Variants in DTNA observed in about 807,000 individuals in gnomAD.
DTNA encodes the protein dystrobrevin alpha, also known as dystrophin-related protein 3.
DTNA carries 43 observed loss-of-function variants against 100.7 expected under a neutral mutation model. The observed-to-expected ratio is 0.43, with a 90% CI of 0.33 to 0.55. The LOEUF is 0.55. Ranked by LOEUF, DTNA falls within the 20% of genes least tolerant of loss-of-function variation. DTNA has a pLI of 0.04. For synonymous variants in DTNA, 349 were observed against 347.9 expected (o/e 1.00, Z -0.04); for missense variants, 798 against 953.9 (o/e 0.84, Z 2.15).
chr18:34,799,837 G>A (rs958522180), intron 4 of DTNA, among the ~76,000 whole-genome samples: 2 of 152,168 alleles, frequency 1.3e-5, no homozygotes, highest in Non-Finnish European at 2.9e-5. Context: ...GGAATTTCAA[G>A]GGGTATGGGG....
At chr18:34,647,769 A>G (rs183017429) in intron 1 of DTNA, among the ~76,000 whole-genome samples, 157 of 152,368 alleles carry the variant, frequency 1.0e-3, no homozygotes, top group Non-Finnish European at 1.7e-3. Context: ...ACACAAATAA[A>G]TATATCATTA....
Position 34,827,248 on chromosome 18 carries a change from G to C in DTNA, c.1002-345G>C, listed in dbSNP as rs146938138. Among the ~76,000 whole-genome samples, 319 of 151,184 alleles carry C rather than the reference G, an allele frequency of 2.1e-3. 2 individuals carry two copies. The highest frequency in any genetic ancestry group is 7.1e-3 in the Admixed American group (108 of 15,180). On this transcript the variant is annotated intron_variant, in intron 9 of 22. Transcript: ENST00000444659. ...TAGATTCAATGATCAGGTCTTCAAG[G>C]CTTCTTGAGAAGGCAGTAGAAGTAA...
At chr18:34,568,319 G>A (rs1335643597) in intron 1 of DTNA, among the ~76,000 whole-genome samples, 2 of 152,072 alleles carry the variant, frequency 1.3e-5, no homozygotes, top group Non-Finnish European at 2.9e-5. Context: ...AGGCATTCTG[G>A]CGTTAAAAAT....
intron 1 of DTNA, among the ~76,000 whole-genome samples, chr18:34,581,190 G>A (rs1375557272): frequency 6.6e-6 from 1 of 152,182 alleles, no homozygotes; most frequent in Non-Finnish European, 1.5e-5. Flanking sequence ...GGAGCTTGCA[G>A]TGAGCTGAGA....
chr18:34,612,085 C>T (rs754558989), intron 1 of DTNA, among the ~76,000 whole-genome samples: 3 of 152,202 alleles, frequency 2.0e-5, no homozygotes, highest in African/African-American at 7.2e-5. Flanking sequence ...CGGGCCACCG[C>T]GCGTGAGCTC....
At chr18:34,782,618 C>T (rs2094369415) in intron 3 of DTNA, among the ~76,000 whole-genome samples, 1 of 152,068 alleles carries the variant, frequency 6.6e-6, no homozygotes, top group African/African-American at 2.4e-5. Flanking sequence ...TAGGGCACAC[C>T]TGGTGGAGGG....
intron 2 of DTNA, among the ~76,000 whole-genome samples, chr18:34,763,217 A>G (rs913115105): frequency 6.6e-6 from 1 of 152,214 alleles, no homozygotes; most frequent in African/African-American, 2.4e-5. Context: ...CACCAATAAA[A>G]GTACATCCTC....
chr18:34,787,742 C>T (rs181820936), intron 3 of DTNA, among the ~76,000 whole-genome samples: 4 of 152,268 alleles, frequency 2.6e-5, no homozygotes, highest in African/African-American at 4.8e-5. Context: ...CCATCTGCAA[C>T]TCTCCCCCCA....
intron 3 of DTNA, among the ~76,000 whole-genome samples, chr18:34,785,040 G>A (rs557274546): frequency 2.0e-5 from 3 of 150,892 alleles, no homozygotes; most frequent in East Asian, 3.9e-4. Context: ...TCAGCCTCCC[G>A]AGTAGCTGGG....
intron 1 of DTNA, among the ~76,000 whole-genome samples, chr18:34,666,376 G>A (rs1048140450): frequency 5.9e-5 from 9 of 151,806 alleles, no homozygotes; most frequent in Admixed American, 2.0e-4. Flanking sequence ...TAGGTTGCCT[G>A]TTCACTCTGA....
intron 1 of DTNA, among the ~76,000 whole-genome samples, chr18:34,564,903 T>C (rs2046954078): frequency 6.6e-6 from 1 of 152,090 alleles, no homozygotes; most frequent in Non-Finnish European, 1.5e-5. Flanking sequence ...GAATGGAGAT[T>C]TACCAAGCAA....
chr18:34,788,040 A>C (rs2094569483), intron 3 of DTNA, among the ~76,000 whole-genome samples: 1 of 152,218 alleles, frequency 6.6e-6, no homozygotes, highest in Non-Finnish European at 1.5e-5. Flanking sequence ...AACTGTATAG[A>C]TGAGGGAATT....
rs561030473 is a variant in DTNA at position 34,724,009 on chromosome 18, G to A, written c.-2+13564G>A. On this transcript the variant is annotated intron_variant, in intron 1 of 22. Coordinates refer to ENST00000444659, the MANE Select transcript of DTNA (RefSeq NM_001386795.1). The stretch of plus-strand genomic sequence containing the variant: ...AAACTGTGACACCTATCAAATGAGT[G>A]AATATTCTTAGATATGTTATTGTCA... Among the ~76,000 whole-genome samples, 113 of 152,236 alleles carry A rather than the reference G, an allele frequency of 7.4e-4. 1 individual carries two copies. The highest frequency in any genetic ancestry group is 2.6e-3 in the African/African-American group (108 of 41,540).
chr18:34,691,021 A>G (rs1221087999), intron 1 of DTNA, among the ~76,000 whole-genome samples: 1 of 152,226 alleles, frequency 6.6e-6, no homozygotes, highest in Non-Finnish European at 1.5e-5. Context: ...AAGTCCAGAT[A>G]GTCTGGCTTC....
intron 1 of DTNA, among the ~76,000 whole-genome samples, chr18:34,694,296 A>G (rs552809598): frequency 1.4e-4 from 21 of 152,336 alleles, no homozygotes; most frequent in African/African-American, 4.3e-4. Flanking sequence ...GGATGGAGCA[A>G]TGTTTTTCCA....
At chr18:34,867,436 GTATAATTGCCCA>G (rs2096717752) in intron 17 of DTNA, 1 of 1,225,378 alleles carries the variant, frequency 8.2e-7, no homozygotes, top group Admixed American at 4.2e-5. Flanking sequence ...CATACAGCCT[GTATAATTGCCCA>G]TGAATGCATA....
At chr18:34,718,483 T>C (rs1414127609) in intron 1 of DTNA, among the ~76,000 whole-genome samples, 1 of 152,184 alleles carries the variant, frequency 6.6e-6, no homozygotes, top group Non-Finnish European at 1.5e-5. Flanking sequence ...CTTTACCCCA[T>C]TTTGATGGAC....
At chr18:34,661,019 T>G (rs1439649042) in intron 1 of DTNA, among the ~76,000 whole-genome samples, 1 of 152,248 alleles carries the variant, frequency 6.6e-6, no homozygotes, top group African/African-American at 2.4e-5. Context: ...TTTTCAAATA[T>G]TTTTCAGAGT....
intron 21 of DTNA, among the ~76,000 whole-genome samples, chr18:34,883,989 G>A (rs2096898765): frequency 6.6e-6 from 1 of 152,312 alleles, no homozygotes; most frequent in African/African-American, 2.4e-5. Context: ...GGAGAGTGCA[G>A]TTTTCCTTGC....
Sources: allele counts gnomAD v4.1 joint callset (sites outside exome capture counted in the v4.1 genomes callset), GRCh38; gene constraint gnomAD v4.1.1; transcripts MANE v1.5; gene names NCBI Gene and HGNC (gene_info 2026-07-23, HGNC 2026-07-21).